SLC35F4: variants seen among roughly 807,000 people sequenced by gnomAD.
SLC35F4 encodes the protein chromosome 14 open reading frame 36.
Under a neutral mutation model 44.2 loss-of-function variants are expected in SLC35F4, and 24 were observed. The observed-to-expected ratio is 0.54, with a 90% CI of 0.39 to 0.76. The LOEUF (loss-of-function observed/expected upper bound fraction) is 0.76. Ranked by LOEUF, SLC35F4 falls within the 30% of genes least tolerant of loss-of-function variation. SLC35F4 has a pLI of 0.00. For synonymous variants in SLC35F4, 238 were observed against 223.6 expected (o/e 1.06, Z -0.57); for missense variants, 562 against 586.1 (o/e 0.96, Z 0.42).
chr14:57,702,827 C>T (rs2075576293), intron 1 of SLC35F4, among the ~76,000 whole-genome samples: 1 of 152,048 alleles, frequency 6.6e-6, no homozygotes, highest in Non-Finnish European at 1.5e-5. Context: ...TATATTTAGG[C>T]ATATAAGGAG....
Position 57,783,399 on chromosome 14 carries a change from G to GA in SLC35F4, c.103+82323dup, listed in dbSNP as rs60452770. ...ATGCAGACAACAGTCTCCTATTCTGGAAAAAAAAATGCCACAAAGGACATT... is the reference window on the plus strand; with the variant it reads ...ATGCAGACAACAGTCTCCTATTCTGGAAAAAAAAAATGCCACAAAGGACATT... On this transcript the variant is annotated intron_variant, in intron 1 of 7. Coordinates refer to ENST00000556826, the MANE Select transcript of SLC35F4 (RefSeq NM_001306087.2). 0.013 allele frequency among the ~76,000 whole-genome samples: 2,023 copies of GA among 150,522 alleles called. 243 individuals are homozygous for GA. In the East Asian group the frequency reaches 0.31, roughly 23 times the overall value.
At chr14:57,614,105 CTG>C (rs1263595293) in intron 1 of SLC35F4, among the ~76,000 whole-genome samples, 4 of 152,140 alleles carry the variant, frequency 2.6e-5, no homozygotes, top group African/African-American at 9.7e-5. Flanking sequence ...AAGTTATAAA[CTG>C]TGGTTTGGCT....
At chr14:57,885,132 T>G (rs1266757261) in intron 1 of SLC35F4, among the ~76,000 whole-genome samples, 1 of 152,176 alleles carries the variant, frequency 6.6e-6, no homozygotes, top group East Asian at 1.9e-4. Context: ...CCCAACACAC[T>G]TTACAATTCC....
intron 1 of SLC35F4, among the ~76,000 whole-genome samples, chr14:57,822,143 A>AACTGGGACAGC (rs1224567181): frequency 6.6e-6 from 1 of 152,180 alleles, no homozygotes; most frequent in Non-Finnish European, 1.5e-5. Context: ...CTCAGACCTC[A>AACTGGGACAGC]TGGGAACTTT....
At chr14:57,954,295 T>C (rs1238012474) in intron 1 of SLC35F4, among the ~76,000 whole-genome samples, 1 of 152,186 alleles carries the variant, frequency 6.6e-6, no homozygotes, top group Non-Finnish European at 1.5e-5. Context: ...GGGAAATTTA[T>C]AGCACTAAAT....
intron 1 of SLC35F4, among the ~76,000 whole-genome samples, chr14:57,898,780 G>T (rs549228797): frequency 6.6e-6 from 1 of 152,072 alleles, no homozygotes; most frequent in Admixed American, 6.6e-5. Flanking sequence ...TACATTTCCC[G>T]CATGTTGACT....
At chr14:57,960,985 C>G (rs1293179226) in intron 1 of SLC35F4, among the ~76,000 whole-genome samples, 1 of 152,162 alleles carries the variant, frequency 6.6e-6, no homozygotes, top group African/African-American at 2.4e-5. Context: ...AGTGAGGTTT[C>G]CCAACCAGCT....
At chr14:57,588,338 G>T (rs1378220913) in intron 3 of SLC35F4, among the ~76,000 whole-genome samples, 1 of 150,300 alleles carries the variant, frequency 6.7e-6, no homozygotes, top group Non-Finnish European at 1.5e-5. Context: ...TCTTCCATCT[G>T]CCATCCACTG....
chr14:57,658,791 A>G lies in SLC35F4; in HGVS notation c.104-64667T>C, dbSNP rs548371335. 5.3e-5 allele frequency among the ~76,000 whole-genome samples: 8 copies of G among 152,328 alleles called. No individual in the cohort carries two copies. In the East Asian group the frequency reaches 1.5e-3, roughly 29 times the overall value. ...ACTCCAGCCCCAAATGCAAAGAAGG[A>G]AGGCCAACAAATCCTAAAACGGTAT... On this transcript the variant is annotated intron_variant, in intron 1 of 7. Transcript: ENST00000556826.
intron 1 of SLC35F4, among the ~76,000 whole-genome samples, chr14:57,612,550 T>A (rs1158447316): frequency 6.6e-6 from 1 of 152,248 alleles, no homozygotes; most frequent in Non-Finnish European, 1.5e-5. Flanking sequence ...ATTTCTGGTT[T>A]ATTTATTTTT....
At chr14:57,747,801 A>G (rs2076795698) in intron 1 of SLC35F4, among the ~76,000 whole-genome samples, 1 of 152,218 alleles carries the variant, frequency 6.6e-6, no homozygotes, top group African/African-American at 2.4e-5. Flanking sequence ...ATACAAGTTA[A>G]TTGTATAAAA....
chr14:57,832,199 C>G (rs1182631347), intron 1 of SLC35F4, among the ~76,000 whole-genome samples: 1 of 152,066 alleles, frequency 6.6e-6, no homozygotes, highest in Non-Finnish European at 1.5e-5. Flanking sequence ...CCCGGCCCAC[C>G]CCACATCACT....
In SLC35F4 at chr14:57,686,293, T is replaced by C. The variant is rs567540975; in HGVS notation, c.104-92169A>G. Among the ~76,000 whole-genome samples the C allele has an allele frequency of 5.9e-4, 90 of 152,316 alleles. 1 individual carries two copies. Among genetic ancestry groups the C allele is most frequent in the East Asian group, 2.1e-3 (11 of 5,186 alleles). Reference sequence around the variant, plus strand: ...GTCAGTTACTCACTTACCTGGCCCATATTTTGAAATTAATTCCTAAAGCTA... The same window carrying C: ...GTCAGTTACTCACTTACCTGGCCCACATTTTGAAATTAATTCCTAAAGCTA... On this transcript the variant is annotated intron_variant, in intron 1 of 7. Transcript: ENST00000556826.
intron 1 of SLC35F4, among the ~76,000 whole-genome samples, chr14:57,672,971 T>C (rs933700851): frequency 5.3e-5 from 8 of 152,040 alleles, no homozygotes; most frequent in Non-Finnish European, 7.3e-5. Context: ...TAATTTAACA[T>C]TTTATTCAAT....
chr14:57,675,067 A>T (rs565656210), intron 1 of SLC35F4, among the ~76,000 whole-genome samples: 8 of 152,190 alleles, frequency 5.3e-5, no homozygotes, highest in African/African-American at 1.9e-4. Flanking sequence ...CTTACATAAA[A>T]TTCTAGAGGC....
At chr14:57,620,421 T>A (rs961672796) in intron 1 of SLC35F4, among the ~76,000 whole-genome samples, 2 of 152,146 alleles carry the variant, frequency 1.3e-5, no homozygotes, top group African/African-American at 4.8e-5. Context: ...CAACCCAGAA[T>A]TTCATATCCA....
intron 1 of SLC35F4, among the ~76,000 whole-genome samples, chr14:57,610,040 G>T (rs2071400771): frequency 6.6e-6 from 1 of 152,138 alleles, no homozygotes; most frequent in African/African-American, 2.4e-5. Flanking sequence ...ATAGTCCAGA[G>T]GATAATTTTC....
At chr14:57,836,991 A>G (rs1178747615) in intron 1 of SLC35F4, among the ~76,000 whole-genome samples, 1 of 152,186 alleles carries the variant, frequency 6.6e-6, no homozygotes, top group Non-Finnish European at 1.5e-5. Flanking sequence ...TTAAAAGAAA[A>G]TGTTATTAAC....
intron 1 of SLC35F4, among the ~76,000 whole-genome samples, chr14:57,763,184 G>C (rs2077162976): frequency 6.6e-6 from 1 of 152,096 alleles, no homozygotes; most frequent in Admixed American, 6.6e-5. Context: ...CTTTATATGT[G>C]TAAGAATCAT....
Sources: allele counts gnomAD v4.1 joint callset (sites outside exome capture counted in the v4.1 genomes callset), GRCh38; gene constraint gnomAD v4.1.1; transcripts MANE v1.5; gene names NCBI Gene and HGNC (gene_info 2026-07-23, HGNC 2026-07-21).